PRIM2: variants seen among roughly 807,000 people sequenced by gnomAD.
The protein encoded by PRIM2 is DNA primase large subunit.
In PRIM2, 39 loss-of-function variants were observed where a neutral mutation model predicts 67.3. The observed-to-expected ratio is 0.58, with a 90% CI of 0.45 to 0.76. The LOEUF is 0.76. PRIM2 is among the 30% of genes least tolerant of loss of function. The pLI is 0.00. For missense variants in PRIM2, 398 were observed against 598.7 expected, an observed-to-expected ratio of 0.66 and a Z score of 3.50; for synonymous variants, 143 against 198.7, an observed-to-expected ratio of 0.72 and a Z score of 2.36.
upstream of PRIM2, among the ~76,000 whole-genome samples, chr6:57,311,452 C>G (rs1312070037): frequency 2.1e-5 from 3 of 145,570 alleles, no homozygotes; most frequent in Non-Finnish European, 3.0e-5. Context: ...CAGAGGTGCT[C>G]CTCACTTCCT....
At chr6:57,577,057 A>C in intron 10 of PRIM2, among the ~76,000 whole-genome samples, 1 of 152,170 alleles carries the variant, frequency 6.6e-6, no homozygotes, top group East Asian at 1.9e-4. Context: ...ATGTTTCCCC[A>C]AAAACTGCAT....
the PRIM2 span, among the ~76,000 whole-genome samples, chr6:57,287,956 G>A: frequency 2.6e-5 from 4 of 152,104 alleles, no homozygotes; most frequent in Non-Finnish European, 4.4e-5. Context: ...AGGGTGAGCT[G>A]AAGCAGGGCA....
At chr6:57,489,309 C>T (rs1330864641) in intron 7 of PRIM2, among the ~76,000 whole-genome samples, 4 of 152,204 alleles carry the variant, frequency 2.6e-5, no homozygotes, top group Non-Finnish European at 5.9e-5. Context: ...GTAATCCCAG[C>T]ACTTTGGGAG....
At chr6:57,269,068 A>C in the PRIM2 span, among the ~76,000 whole-genome samples, 1 of 152,076 alleles carries the variant, frequency 6.6e-6, no homozygotes, top group South Asian at 2.1e-4. Context: ...AGTCTTCGCT[A>C]TTGTGAATAG....
At chr6:57,340,186 C>T (rs1207237214) in intron 5 of PRIM2, among the ~76,000 whole-genome samples, 2 of 152,116 alleles carry the variant, frequency 1.3e-5, no homozygotes, top group African/African-American at 2.4e-5. Flanking sequence ...GAATGGCAGT[C>T]ATTAAAAAAT....
chr6:57,512,897 T>G (rs1449794096), intron 8 of PRIM2, among the ~76,000 whole-genome samples: 1 of 152,166 alleles, frequency 6.6e-6, no homozygotes, highest in Non-Finnish European at 1.5e-5. Flanking sequence ...GTGCTCACCA[T>G]GCACCAGCCA....
chr6:57,416,497 C>T (rs1301463818), intron 7 of PRIM2, among the ~76,000 whole-genome samples: 2 of 152,080 alleles, frequency 1.3e-5, no homozygotes, highest in African/African-American at 4.8e-5. Context: ...TTAAAGTCAC[C>T]AGCTGCATTA....
At chr6:57,274,942 A>ACTTT in the PRIM2 span, among the ~76,000 whole-genome samples, 1 of 118,256 alleles carries the variant, frequency 8.5e-6, no homozygotes, top group African/African-American at 4.2e-5. Context: ...ACACCTGGCT[A>ACTTT]ATTTTTTTTT....
chr6:57,581,302 G>C (rs2127485082), intron 10 of PRIM2, among the ~76,000 whole-genome samples: 1 of 152,128 alleles, frequency 6.6e-6, no homozygotes, highest in East Asian at 1.9e-4. Context: ...TTTTATGTTG[G>C]CTCCTTTTCT....
chr6:57,481,018 A>T (rs1773612761), intron 7 of PRIM2, among the ~76,000 whole-genome samples: 1 of 152,216 alleles, frequency 6.6e-6, no homozygotes, highest in Admixed American at 6.5e-5. Context: ...TCATAGGTTC[A>T]TAGAAAGTTG....
intron 5 of PRIM2, among the ~76,000 whole-genome samples, chr6:57,340,811 C>G (rs1768454692): frequency 1.3e-5 from 2 of 152,024 alleles, no homozygotes; most frequent in South Asian, 4.1e-4. Context: ...ACATATGTAA[C>G]AAACCTGCAC....
intron 10 of PRIM2, among the ~76,000 whole-genome samples, chr6:57,591,934 C>T (rs1158963784): frequency 6.6e-6 from 1 of 152,018 alleles, no homozygotes; most frequent in African/African-American, 2.4e-5. Context: ...ACCCATCAAA[C>T]GTGAATTAGA....
chr6:57,406,263 G>C (rs7751426), intron 7 of PRIM2, among the ~76,000 whole-genome samples: 2 of 150,202 alleles, frequency 1.3e-5, no homozygotes, highest in Non-Finnish European at 3.0e-5. Flanking sequence ...CTGATAATGA[G>C]GCTTGACATC....
At chr6:57,589,648 C>G (rs1416061614) in intron 10 of PRIM2, among the ~76,000 whole-genome samples, 12 of 152,120 alleles carry the variant, frequency 7.9e-5, no homozygotes, top group Non-Finnish European at 1.5e-4. Flanking sequence ...AGCTTTGTTC[C>G]TTTTTGCTCT....
chr6:57,232,942 T>C, the PRIM2 span, among the ~76,000 whole-genome samples: 1 of 152,202 alleles, frequency 6.6e-6, no homozygotes, highest in Admixed American at 6.5e-5. Flanking sequence ...GAGGTATTTC[T>C]TCCTAAAAAG....
chr6:57,242,748 G>T, the PRIM2 span, among the ~76,000 whole-genome samples: 1 of 151,948 alleles, frequency 6.6e-6, no homozygotes, highest in Non-Finnish European at 1.5e-5. Context: ...GCTTTATTTG[G>T]AGCCTTGAAA....
chr6:57,427,076 A>G (rs1771656850), intron 7 of PRIM2, among the ~76,000 whole-genome samples: 1 of 152,208 alleles, frequency 6.6e-6, no homozygotes. Context: ...CTTTTTTAGA[A>G]CTGAATTATC....
the PRIM2 span, among the ~76,000 whole-genome samples, chr6:57,260,320 G>T: frequency 6.6e-6 from 1 of 152,166 alleles, no homozygotes; most frequent in Admixed American, 6.5e-5. Flanking sequence ...AAATATATTT[G>T]ACTTGGAAAA....
At chr6:57,433,543 C>CT (rs1771903229) in intron 7 of PRIM2, among the ~76,000 whole-genome samples, 2 of 152,100 alleles carry the variant, frequency 1.3e-5, no homozygotes, top group Admixed American at 1.3e-4. Flanking sequence ...TTTCGGAATC[C>CT]TTAGGGGAGC....
Sources: gnomAD v4.1 joint callset for allele counts (sites outside exome capture counted in the v4.1 genomes callset) on GRCh38, gnomAD v4.1.1 for gene constraint, MANE v1.5 for transcripts, NCBI Gene and HGNC (gene_info 2026-07-23, HGNC 2026-07-21) for gene names.